Variants in PARP11 observed in about 807,000 individuals in gnomAD.
PARP11 encodes poly(ADP-ribose) polymerase family member 11.
PARP11 carries 31 observed loss-of-function variants against 42.9 expected under a neutral mutation model. The observed-to-expected ratio is 0.72, with a 90% confidence interval of 0.54 to 0.98. PARP11 has a LOEUF of 0.98. Among genes scored for constraint, PARP11 ranks in the 50% least tolerant of loss-of-function variants. The pLI is 0.00. For synonymous variants in PARP11, 137 were observed against 127.3 expected, an observed-to-expected ratio of 1.08 and a Z score of -0.51; for missense variants, 365 against 413.1, an observed-to-expected ratio of 0.88 and a Z score of 1.01.
intron 1 of PARP11, among the ~76,000 whole-genome samples, chr12:3,853,207 T>C (rs556664676): frequency 5.2e-4 from 79 of 152,256 alleles, no homozygotes; most frequent in African/African-American, 1.8e-3. Flanking sequence ...CCATCGATGC[T>C]AGGAAGAAAC....
At chr12:3,848,773 C>T (rs1006836108) in intron 1 of PARP11, among the ~76,000 whole-genome samples, 1 of 151,908 alleles carries the variant, frequency 6.6e-6, no homozygotes. Flanking sequence ...ACCTCAAAAG[C>T]ACTGCAACCA....
At chr12:3,830,128 CCCATGA>C (rs1947606290) in intron 1 of PARP11, 110 bp from the exon 2 acceptor site, 1 of 899,704 alleles carries the variant, frequency 1.1e-6, no homozygotes, top group Non-Finnish European at 1.7e-6. Flanking sequence ...TGTCTTTCCT[CCCATGA>C]CACTTTAAAA....
chr12:3,821,771 C>G (rs1947398659), intron 6 of PARP11, 102 bp downstream of exon 6: 18 of 1,239,850 alleles, frequency 1.5e-5, no homozygotes, highest in Non-Finnish European at 2.0e-5. Context: ...AAGAGAAAAA[C>G]AGCATGTCTA....
rs1046205554 is a variant in PARP11, at chr12:3,810,916, A to T, written c.*1207T>A. 1 of 152,260 alleles carries T rather than the reference A, an allele frequency of 6.6e-6. No homozygotes were observed. The highest frequency in any genetic ancestry group is 1.5e-5 in the Non-Finnish European group (1 of 68,078). 9.4% of individuals were successfully genotyped at this position (152,260 alleles called of 1,614,324 possible). A position where few individuals can be genotyped will look rare whatever the true frequency, so the allele number is the denominator to read the frequency against. ...TTCACCATCACATGGGCAATTCCCC[A>T]TCTGGTACTTAACTCCTATGCAACA... On this transcript the variant is annotated 3_prime_UTR_variant, in exon 8 of 8. Transcript: ENST00000228820.
At position 3,840,319 on chromosome 12, in the gene PARP11, T is replaced by C. The variant is rs548670262; in HGVS notation, c.19-10301A>G. 3.1e-6 allele frequency: 5 copies of C among 1,614,128 alleles called. No homozygotes were observed. The South Asian group carries it at 5.5e-5, about 18-fold the overall frequency. ...TCCCCCAGAAAGCTGGAACACAGTG[T>C]CAGGGAAGAAGATGAAAAAACCTTC... On this transcript the variant is annotated intron_variant, in intron 1 of 7. Coordinates refer to ENST00000228820, the MANE Select transcript of PARP11 (RefSeq NM_020367.6). The surrounding 1 kb of genome is among the most constrained non-coding windows in gnomAD (Gnocchi z 4.4).
chr12:3,827,628 C>G (rs551406897), intron 3 of PARP11, among the ~76,000 whole-genome samples: 1 of 151,470 alleles, frequency 6.6e-6, no homozygotes, highest in Non-Finnish European at 1.5e-5. Context: ...TGGCTTGTCA[C>G]GAGCAAGGAT....
intron 1 of PARP11, among the ~76,000 whole-genome samples, chr12:3,838,671 A>G (rs1322975960): frequency 1.3e-5 from 2 of 152,266 alleles, no homozygotes; most frequent in East Asian, 3.8e-4. Context: ...AAAAAGCCAC[A>G]TTTTTCAAAA....
At position 3,828,943 on chromosome 12, in the gene PARP11, T is replaced by C; in HGVS notation, c.235A>G (p.Thr79Ala). 3 of 1,614,004 alleles carry C rather than the reference T, an allele frequency of 1.9e-6. No individual in the cohort carries two copies. Among genetic ancestry groups the C allele is most frequent in the Non-Finnish European group, 1.7e-6 (2 of 1,179,920 alleles). ...TCTATCTTGTAGCTGAATTTGGAAGTAGTAAAAGAAATGGAGCCACAAGGG... is the reference window on the plus strand; with the variant it reads ...TCTATCTTGTAGCTGAATTTGGAAGCAGTAAAAGAAATGGAGCCACAAGGG... ...TNPCGSISFT[T>A]SKFSYKIDFA... is the part of the protein sequence containing the mutation. The change falls in exon 3 of 8, where the codon ACT becomes GCT. Residue 79 changes from threonine (T) to alanine (A), a missense_variant. Transcript: ENST00000228820.
chr12:3,821,765 G>T, intron 6 of PARP11, 108 bp downstream of exon 6: 1 of 1,204,306 alleles, frequency 8.3e-7, no homozygotes, highest in Admixed American at 2.3e-5. Flanking sequence ...TACGGCAAGA[G>T]AAAAACAGCA....
intron 1 of PARP11, chr12:3,839,801 T>C: frequency 8.7e-7 from 1 of 1,145,508 alleles, no homozygotes; most frequent in Non-Finnish European, 1.3e-6. Context: ...TGTCAGTCTC[T>C]CCTTTATGAA....
intron 1 of PARP11, among the ~76,000 whole-genome samples, chr12:3,838,841 G>A (rs1947820175): frequency 6.6e-6 from 1 of 152,326 alleles, no homozygotes; most frequent in South Asian, 2.1e-4. Flanking sequence ...GGCTCCCGGC[G>A]TGGGGAGCGC....
chr12:3,828,862 T>C lies in PARP11; in HGVS notation c.268+48A>G, dbSNP rs941192778. ...CTGACCTTCAGAGCTGTAGATTTTA[T>C]CATATCAATATACTAAAAACACACA... On this transcript the variant is annotated intron_variant, in intron 3 of 7. Coordinates refer to ENST00000228820, the MANE Select transcript of PARP11 (RefSeq NM_020367.6). The C allele has an allele frequency of 3.3e-6, 5 of 1,535,020 alleles. No homozygotes were observed. The East Asian group carries it at 1.1e-4, about 35-fold the overall frequency.
At chr12:3,852,467 T>C (rs1450345183) in intron 1 of PARP11, among the ~76,000 whole-genome samples, 1 of 152,160 alleles carries the variant, frequency 6.6e-6, no homozygotes, top group Non-Finnish European at 1.5e-5. Flanking sequence ...CTGAAAACCA[T>C]GGCACAAGAA....
Position 3,822,091 on chromosome 12 carries a change from T to C in PARP11, c.411A>G (p.Pro137=), listed in dbSNP as rs767187900. ...CAGTCAATTCTGCTCTTACCTGATA[T>C]GGTACTTGAGTATTCACATTCTCCC... ...PHWENVNTQV[P]YQLIPLHNQT... The change falls in exon 5 of 8, where the codon CCA becomes CCG. Residue 137 remains proline, a synonymous_variant. Coordinates refer to ENST00000228820, the MANE Select transcript of PARP11 (RefSeq NM_020367.6). The C allele has an allele frequency of 5.0e-6, 8 of 1,613,616 alleles. No individual in the cohort carries two copies. The highest frequency in any genetic ancestry group is 1.7e-4 in the Middle Eastern group (1 of 6,060).
chr12:3,821,039 A>G (rs1288095983), intron 6 of PARP11, among the ~76,000 whole-genome samples: 1 of 152,242 alleles, frequency 6.6e-6, no homozygotes, highest in Non-Finnish European at 1.5e-5. Flanking sequence ...CTTCAGCAAC[A>G]ACAATAATAA....
chr12:3,872,547 G>C, intron 1 of PARP11: 1 of 985,334 alleles, frequency 1.0e-6, no homozygotes, highest in Non-Finnish European at 1.2e-6. Flanking sequence ...ACTTGCAGTT[G>C]AAATGCTCCA....
At chr12:3,851,291 G>A (rs893705602) in intron 1 of PARP11, among the ~76,000 whole-genome samples, 4 of 152,344 alleles carry the variant, frequency 2.6e-5, no homozygotes, top group African/African-American at 4.8e-5. Flanking sequence ...AGGGCAAGCC[G>A]AAGAAGGGCA....
chr12:3,831,589 A>G (rs1281360080), intron 1 of PARP11, among the ~76,000 whole-genome samples: 2 of 152,182 alleles, frequency 1.3e-5, no homozygotes, highest in East Asian at 3.8e-4. Flanking sequence ...AAGTTCATTT[A>G]TAACAGTGCC....
rs1434986238 is a variant in PARP11 at position 3,811,489 on chromosome 12, G to A, written c.*634C>T. ...AGGAGAATGACAGGATCAAGTCTGA[G>A]GCTGCAGCCTGCTATCCTAAGGCAA... On this transcript the variant is annotated 3_prime_UTR_variant, in exon 8 of 8. Coordinates refer to ENST00000228820, the MANE Select transcript of PARP11 (RefSeq NM_020367.6). 1 of 152,216 alleles carries A rather than the reference G, an allele frequency of 6.6e-6. No homozygotes were observed. Among genetic ancestry groups the A allele is most frequent in the Non-Finnish European group, 1.5e-5 (1 of 68,046 alleles). 9.4% of individuals were successfully genotyped at this position (152,216 alleles called of 1,614,324 possible). A position where few individuals can be genotyped will look rare whatever the true frequency, so the allele number is the denominator to read the frequency against.
Sources: gnomAD v4.1 joint callset for allele counts (sites outside exome capture counted in the v4.1 genomes callset) on GRCh38, gnomAD v4.1.1 for gene constraint, Gnocchi (gnomAD v3.1) non-coding constraint, MANE v1.5 for transcripts, NCBI Gene and HGNC (gene_info 2026-07-23, HGNC 2026-07-21) for gene names.